Variants in FSTL4 observed in about 807,000 individuals in gnomAD.
FSTL4 encodes the protein follistatin like 4, also known as follistatin-related protein 4.
FSTL4 carries 28 observed loss-of-function variants against 78.2 expected under a neutral mutation model. The ratio of observed to expected loss-of-function variants is 0.36; its 90% CI spans 0.27 to 0.49. The LOEUF is 0.49. Ranked by LOEUF, FSTL4 falls within the 20% of genes least tolerant of loss-of-function variation. FSTL4 has a pLI of 0.98. For synonymous variants in FSTL4, 422 were observed against 440.5 expected (o/e 0.96, Z 0.53); for missense variants, 922 against 1,084.9 (o/e 0.85, Z 2.11).
At chr5:133,747,394 T>C in the FSTL4 span, among the ~76,000 whole-genome samples, 2 of 152,206 alleles carry the variant, frequency 1.3e-5, no homozygotes, top group Admixed American at 6.5e-5. Context: ...CCCGGTAATT[T>C]AGTGACCCTT....
At chr5:133,539,029 G>A (rs2112916598) in intron 3 of FSTL4, among the ~76,000 whole-genome samples, 1 of 152,190 alleles carries the variant, frequency 6.6e-6, no homozygotes, top group Non-Finnish European at 1.5e-5. Flanking sequence ...GGTGGTTCGG[G>A]GATCCACCGT....
chr5:133,706,606 C>A, the FSTL4 span, among the ~76,000 whole-genome samples: 1 of 152,316 alleles, frequency 6.6e-6, no homozygotes, highest in East Asian at 1.9e-4. Context: ...ATGTGACAGA[C>A]CTTTCCAACT....
At chr5:133,346,512 T>C (rs189355195) in intron 4 of FSTL4, among the ~76,000 whole-genome samples, 10 of 152,376 alleles carry the variant, frequency 6.6e-5, no homozygotes, top group Admixed American at 4.6e-4. Flanking sequence ...TGATCCTTTG[T>C]TGATAACTTG....
the FSTL4 span, chr5:133,720,568 T>A: frequency 6.5e-6 from 1 of 153,982 alleles, no homozygotes; most frequent in Non-Finnish European, 1.5e-5. Flanking sequence ...CTCTGCTTCA[T>A]CCTTGGAAAC....
At chr5:133,595,659 A>G (rs1760722607) in intron 2 of FSTL4, among the ~76,000 whole-genome samples, 1 of 152,208 alleles carries the variant, frequency 6.6e-6, no homozygotes, top group South Asian at 2.1e-4. Flanking sequence ...TCTTCTTGAC[A>G]GCCACTGACT....
the FSTL4 span, among the ~76,000 whole-genome samples, chr5:133,637,976 ATAAAT>A: frequency 6.6e-6 from 1 of 151,200 alleles, no homozygotes; most frequent in Non-Finnish European, 1.5e-5. Flanking sequence ...AATAATAATA[ATAAAT>A]TAATTAATGG....
chr5:133,444,829 C>T (rs1757227464), intron 3 of FSTL4, among the ~76,000 whole-genome samples: 1 of 152,212 alleles, frequency 6.6e-6, no homozygotes, highest in Admixed American at 6.5e-5. Flanking sequence ...AGCAGCCCCT[C>T]ACCCACTCCA....
At chr5:133,249,225 T>C (rs142410585) in intron 7 of FSTL4, among the ~76,000 whole-genome samples, 185 bp downstream of exon 7, 1 of 152,348 alleles carries the variant, frequency 6.6e-6, no homozygotes, top group East Asian at 1.9e-4. Context: ...CCACCATTCA[T>C]CTATTTTCTG....
chr5:133,478,186 T>C (rs1275921128), intron 3 of FSTL4, among the ~76,000 whole-genome samples: 2 of 152,192 alleles, frequency 1.3e-5, no homozygotes, highest in Non-Finnish European at 2.9e-5. Flanking sequence ...ACATAACCGA[T>C]TCCCTGATTT....
chr5:133,248,014 C>T (rs528717811), intron 7 of FSTL4: 6 of 152,400 alleles, frequency 3.9e-5, no homozygotes, highest in African/African-American at 1.4e-4. Context: ...AAGGGACCTC[C>T]AAGGTCACTG....
chr5:133,606,398 G>C (rs1005861248), intron 1 of FSTL4, among the ~76,000 whole-genome samples: 1 of 152,146 alleles, frequency 6.6e-6, no homozygotes, highest in Non-Finnish European at 1.5e-5. Flanking sequence ...GGTATTATAG[G>C]AATGAGCCAC....
intron 4 of FSTL4, among the ~76,000 whole-genome samples, chr5:133,390,055 A>G (rs1000958932): frequency 6.6e-6 from 1 of 152,228 alleles, no homozygotes; most frequent in African/African-American, 2.4e-5. Context: ...TGAAGGGGGC[A>G]TGGAGTGCAC....
chr5:133,391,419 C>T (rs1755847178), intron 4 of FSTL4, among the ~76,000 whole-genome samples: 1 of 152,216 alleles, frequency 6.6e-6, no homozygotes, highest in African/African-American at 2.4e-5. Flanking sequence ...CCTGTCCACA[C>T]AGGGCCTTCC....
intron 4 of FSTL4, among the ~76,000 whole-genome samples, chr5:133,378,222 T>C (rs1755486442): frequency 6.6e-6 from 1 of 152,370 alleles, no homozygotes; most frequent in African/African-American, 2.4e-5. Context: ...AAGATAACTA[T>C]GTAATTATAG....
At chr5:133,457,844 T>C (rs1199962226) in intron 3 of FSTL4, 1 of 152,250 alleles carries the variant, frequency 6.6e-6, no homozygotes. Context: ...AAGGAGTGGA[T>C]GAGGCCATTA....
intron 4 of FSTL4, among the ~76,000 whole-genome samples, chr5:133,374,248 A>G (rs1215731214): frequency 1.3e-5 from 2 of 152,130 alleles, no homozygotes; most frequent in South Asian, 2.1e-4. Flanking sequence ...ACTTTCTCCT[A>G]TTCGGTCATT....
the FSTL4 span, among the ~76,000 whole-genome samples, chr5:133,732,819 C>T: frequency 3.3e-5 from 5 of 152,208 alleles, no homozygotes; most frequent in Non-Finnish European, 5.9e-5. Flanking sequence ...TTCCAGTTGG[C>T]TACCCCTGAT....
chr5:133,203,776 A>G (rs1177627216), intron 14 of FSTL4, among the ~76,000 whole-genome samples: 2 of 152,152 alleles, frequency 1.3e-5, no homozygotes, highest in Non-Finnish European at 2.9e-5. Flanking sequence ...GAGATGGAAA[A>G]TTACAGGCTG....
intron 4 of FSTL4, among the ~76,000 whole-genome samples, chr5:133,349,295 C>CTCTCTG (rs11269337): frequency 0.053 from 7,333 of 139,662 alleles, 184 homozygotes; most frequent in Middle Eastern, 0.092. Context: ...GCCTCTCTCT[C>CTCTCTG]TGTGTGTGTG....
Sources: allele counts gnomAD v4.1 joint callset (sites outside exome capture counted in the v4.1 genomes callset), GRCh38; gene constraint gnomAD v4.1.1; transcripts MANE v1.5; gene names NCBI Gene and HGNC (gene_info 2026-07-23, HGNC 2026-07-21).